The following SCN1A variants were observed in gnomAD, a reference collection of about 807,000 sequenced individuals.
The protein encoded by SCN1A is sodium voltage-gated channel alpha subunit 1, also known as sodium channel protein type 1 subunit alpha.
In SCN1A, 13 loss-of-function variants were observed where a neutral mutation model predicts 193.7. The observed-to-expected ratio is 0.07, with a 90% CI of 0.04 to 0.11. SCN1A has a LOEUF of 0.11. Among genes scored for constraint, SCN1A ranks in the 10% least tolerant of loss-of-function variants. The pLI is 1.00. For synonymous variants in SCN1A, 781 were observed against 843.6 expected (o/e 0.93, Z 1.29); for missense variants, 1,432 against 2,451.1 (o/e 0.58, Z 8.78).
chr2:166,073,181 A>T, intron 4 of SCN1A, 177 bp downstream of exon 4: 1 of 713,308 alleles, frequency 1.4e-6, no homozygotes. Context: ...TGCATATGTT[A>T]TGATATAATC....
At chr2:165,996,245 G>A (rs1021760364) in intron 26 of SCN1A, 128 bp from the exon 27 acceptor site, 3 of 580,712 alleles carry the variant, frequency 5.2e-6, no homozygotes, top group South Asian at 2.0e-5. Context: ...ATTATATCTG[G>A]GATTTAAAAT....
chr2:166,033,145 A>G (rs1695853227), intron 19 of SCN1A, among the ~76,000 whole-genome samples: 2 of 152,168 alleles, frequency 1.3e-5, no homozygotes. Context: ...TGCATTATTT[A>G]TTACTATACT....
chr2:166,101,925 G>C (rs1415458901), intron 2 of SCN1A, among the ~76,000 whole-genome samples: 2 of 152,124 alleles, frequency 1.3e-5, no homozygotes, highest in African/African-American at 2.4e-5. Flanking sequence ...ACTATCAATA[G>C]AGTAAACAGA....
At position 166,043,921 on chromosome 2, in the gene SCN1A, G is replaced by A. The variant is rs1319783995; in HGVS notation, c.1791C>T (p.Thr597=). 3 of 1,614,116 alleles carry A rather than the reference G, an allele frequency of 1.9e-6. No individual in the cohort carries two copies. The South Asian group carries it at 3.3e-5, about 18-fold the overall frequency. Residue 597 remains threonine (T), a synonymous_variant, in exon 14 of 29, where the codon ACC becomes ACT. Transcript: ENST00000674923. The part of the protein sequence containing the change: ...ENDFADDEHS[T]FEDNESRRDS... ...CTCTACGGCTCTCGTTATCCTCAAAGGTGCTGTGCTCATCATCTGCGAAGT... is the reference window on the plus strand; with the variant it reads ...CTCTACGGCTCTCGTTATCCTCAAAAGTGCTGTGCTCATCATCTGCGAAGT...
intron 25 of SCN1A, among the ~76,000 whole-genome samples, chr2:165,998,756 G>GC (rs1690431392): frequency 6.3e-5 from 1 of 15,926 alleles, no homozygotes; most frequent in Non-Finnish European, 9.2e-5. Flanking sequence ...TGGACTGAAA[G>GC]GTCACTATAG....
chr2:166,014,561 C>G (rs1692993903), intron 20 of SCN1A, among the ~76,000 whole-genome samples: 1 of 145,838 alleles, frequency 6.9e-6, no homozygotes, highest in Non-Finnish European at 1.5e-5. Flanking sequence ...TACCTTACTC[C>G]CAAGAACCTT....
intron 28 of SCN1A, chr2:165,993,206 T>TGTGTGTGTGTGTGC (rs1490190166): frequency 7.0e-6 from 1 of 142,914 alleles, no homozygotes; most frequent in Non-Finnish European, 1.5e-5. Flanking sequence ...TGTGTGTGTG[T>TGTGTGTGTGTGTGC]GTGTGAGAGA....
In SCN1A at chr2:166,046,986, A is replaced by G. The variant is rs1697919203; in HGVS notation, c.1171-10T>C. On this transcript the variant is annotated splice_polypyrimidine_tract_variant and intron_variant, in intron 11 of 28. Transcript: ENST00000674923. ...CAGCAGCACGTAATGTCTGCAAACA[A>G]AAATATCAGAATTATTTCTCAATAT... 2 of 1,491,604 alleles carry G rather than the reference A, an allele frequency of 1.3e-6. No individual in the cohort carries two copies. The highest frequency in any genetic ancestry group is 9.3e-7 in the Non-Finnish European group (1 of 1,073,102). 92.4% of individuals were successfully genotyped at this position (1,491,604 alleles called of 1,614,324 possible).
At chr2:166,002,834 TC>T in intron 23 of SCN1A, 81 bp from the exon 24 acceptor site, 1 of 1,133,864 alleles carries the variant, frequency 8.8e-7, no homozygotes, top group Non-Finnish European at 1.2e-6. Flanking sequence ...TAATCTCTGG[TC>T]TTTCCATTCT....
intron 1 of SCN1A, among the ~76,000 whole-genome samples, chr2:166,147,858 T>C (rs1692385838): frequency 6.6e-6 from 1 of 152,222 alleles, no homozygotes; most frequent in Non-Finnish European, 1.5e-5. Flanking sequence ...CAGGGGAATT[T>C]ATTTTACGAT....
At chr2:165,997,780 A>C (rs999142079) in intron 26 of SCN1A, among the ~76,000 whole-genome samples, 3 of 151,316 alleles carry the variant, frequency 2.0e-5, no homozygotes, top group Non-Finnish European at 3.0e-5. Context: ...TTTTTAAAAG[A>C]TAGAAAATGT....
At chr2:166,116,090 C>G (rs962556774) in intron 2 of SCN1A, among the ~76,000 whole-genome samples, 3 of 152,142 alleles carry the variant, frequency 2.0e-5, no homozygotes, top group Admixed American at 6.5e-5. Flanking sequence ...AGAAATAAAC[C>G]TGGACAGCTC....
intron 9 of SCN1A, 42 bp from the exon 10 acceptor site, chr2:166,048,991 T>A: frequency 8.2e-7 from 1 of 1,216,808 alleles, no homozygotes; most frequent in Non-Finnish European, 1.2e-6. Context: ...ATTTGCATTG[T>A]TAAAAACACT....
rs796053035 is a variant in SCN1A, at chr2:165,992,057, C to T, written c.5218G>A (p.Asp1740Asn). 6.2e-7 allele frequency: 1 copy of T among 1,613,932 alleles called. No homozygotes were observed. Among genetic ancestry groups the T allele is most frequent in the Non-Finnish European group, 8.5e-7 (1 of 1,179,950 alleles). Reference protein sequence around the residue: ...LAPILNSKPPDCDPNKVNPGS... With the variant: ...LAPILNSKPPNCDPNKVNPGS... ...GGGTTAACTTTATTAGGGTCACAGT[C>T]GGGTGGCTTACTGTTGAGAATGGGT... Residue 1740 changes from aspartate to asparagine, a missense_variant, in exon 29 of 29, where the codon GAC becomes AAC. Physicochemically the swap from Asp to Asn is conservative, Grantham distance 23. Around this residue, in one of 18 missense-constraint regions of SCN1A, gnomAD observed 85 missense variants for 213.2 expected, o/e 0.40. Transcript: ENST00000674923. This position sits in a 1 kb window ranked among gnomAD's most constrained non-coding sequence, Gnocchi z 6.5.
chr2:166,084,991 C>G (rs1417595258), intron 2 of SCN1A, among the ~76,000 whole-genome samples: 1 of 152,116 alleles, frequency 6.6e-6, no homozygotes. Context: ...AGTGAAAATG[C>G]TATATAAACT....
At chr2:165,995,959 G>T in intron 27 of SCN1A, 54 bp downstream of exon 27, 1 of 1,184,922 alleles carries the variant, frequency 8.4e-7, no homozygotes, top group Non-Finnish European at 1.3e-6. Flanking sequence ...TGTGAGACAA[G>T]CATGCAAGTT....
downstream of SCN1A, chr2:165,985,083 C>G (rs1688525802): frequency 1.3e-5 from 2 of 151,812 alleles, no homozygotes; most frequent in Non-Finnish European, 2.9e-5. Context: ...CAGGGTTGAG[C>G]AAAGTTATTT....
chr2:166,004,378 T>C (rs868014941), intron 23 of SCN1A, among the ~76,000 whole-genome samples: 1 of 151,680 alleles, frequency 6.6e-6, no homozygotes, highest in Middle Eastern at 3.4e-3. Flanking sequence ...AGAACACTGA[T>C]TATCTATACC....
chr2:166,084,009 T>G (rs1685814473), intron 2 of SCN1A, among the ~76,000 whole-genome samples: 1 of 152,078 alleles, frequency 6.6e-6, no homozygotes, highest in Non-Finnish European at 1.5e-5. Flanking sequence ...AGATACCAAG[T>G]GTGAGGTGAT....
Sources: gnomAD v4.1 joint callset for allele counts (sites outside exome capture counted in the v4.1 genomes callset) on GRCh38, gnomAD v4.1.1 for gene constraint, gnomAD v4.1.1 regional missense constraint, Gnocchi (gnomAD v3.1) non-coding constraint, MANE v1.5 for transcripts, NCBI Gene and HGNC (gene_info 2026-07-23, HGNC 2026-07-21) for gene names.